The following EYS variants were observed in gnomAD, a reference collection of about 807,000 sequenced individuals.
The protein encoded by EYS is EGF-like photoreceptor maintenance factor.
A neutral mutation model predicts 282.1 loss-of-function variants in EYS; 250 were observed. The observed-to-expected ratio is 0.89, with a 90% CI of 0.80 to 0.98. The LOEUF is 0.98. Among genes scored for constraint, EYS ranks in the 50% least tolerant of loss-of-function variants. The pLI is 0.00. For missense variants in EYS, 4,016 were observed against 3,709.0 expected, an observed-to-expected ratio of 1.08 and a Z score of -2.15; for synonymous variants, 1,355 against 1,282.9, an observed-to-expected ratio of 1.06 and a Z score of -1.20.
At chr6:63,832,067 G>A (rs553251578) in intron 36 of EYS, among the ~76,000 whole-genome samples, 36 of 152,224 alleles carry the variant, frequency 2.4e-4, no homozygotes, top group African/African-American at 7.9e-4. Flanking sequence ...ATTTAAAGCA[G>A]TGTGTAGAGG....
At chr6:64,720,449 TA>T (rs1260928498) in intron 22 of EYS, among the ~76,000 whole-genome samples, 1 of 152,220 alleles carries the variant, frequency 6.6e-6, no homozygotes, top group Admixed American at 6.5e-5. Context: ...TATTAGGATT[TA>T]GACATTTTGG....
intron 5 of EYS, among the ~76,000 whole-genome samples, chr6:65,460,387 A>G (rs1764789007): frequency 6.6e-6 from 1 of 152,044 alleles, no homozygotes; most frequent in African/African-American, 2.4e-5. Context: ...CTAAGAAGAT[A>G]AAGTCCCCTT....
rs545772050 is a variant in EYS at position 64,443,975 on chromosome 6, A to G, written c.5645-4623T>C. On this transcript the variant is annotated intron_variant, in intron 26 of 42. Transcript: ENST00000503581. ...CTTTCTGGAGGGCCAAAGAAGGATA[A>G]CATGTCCCTATTATTACAGTGTTTT... 1.1e-4 allele frequency among the ~76,000 whole-genome samples: 17 copies of G among 152,302 alleles called. 1 individual carries two copies. The South Asian group carries it at 3.1e-3, about 28-fold the overall frequency.
intron 30 of EYS, among the ~76,000 whole-genome samples, chr6:64,289,114 C>T (rs1768608407): frequency 6.6e-6 from 1 of 151,990 alleles, no homozygotes; most frequent in Admixed American, 6.6e-5. Flanking sequence ...ATTATCTGTT[C>T]TGAGCTTATG....
chr6:64,552,109 T>G (rs1436516043), intron 26 of EYS, among the ~76,000 whole-genome samples: 1 of 152,136 alleles, frequency 6.6e-6, no homozygotes, highest in African/African-American at 2.4e-5. Context: ...GAAACCCTAG[T>G]TCAGGCCATG....
intron 12 of EYS, among the ~76,000 whole-genome samples, chr6:65,114,299 T>C (rs533804812): frequency 8.8e-4 from 133 of 151,470 alleles, no homozygotes; most frequent in African/African-American, 3.1e-3. Flanking sequence ...TTCTTTGCCT[T>C]ACATTTTTAT....
In EYS at chr6:65,495,397, G is replaced by T. The variant is rs745916400; in HGVS notation, c.14C>A (p.Ser5Ter). 1.2e-6 allele frequency: 2 copies of T among 1,610,854 alleles called. No homozygotes were observed. Among genetic ancestry groups the T allele is most frequent in the Admixed American group, 3.3e-5 (2 of 59,998 alleles). The change falls in exon 4 of 43, where the codon TCA becomes TAA. Residue 5 changes from serine (S) to a stop codon, truncating the protein, a stop_gained. Transcript: ENST00000503581. LOFTEE classifies it high-confidence loss of function. The stretch of plus-strand genomic sequence containing the variant: ...AACCATCAGGCTCAGAATGACGATT[G>T]ATTTGTCAGTCATTTTCGGGTAGCT... MTDK[S>*]IVILSLMVFH...
intron 15 of EYS, among the ~76,000 whole-genome samples, chr6:64,937,934 T>C (rs530395105): frequency 6.6e-6 from 1 of 151,792 alleles, no homozygotes; most frequent in African/African-American, 2.4e-5. Context: ...TGTAATGTTA[T>C]CTGGCCATAA....
intron 30 of EYS, among the ~76,000 whole-genome samples, chr6:64,236,364 T>C (rs1336852893): frequency 6.6e-6 from 1 of 152,228 alleles, no homozygotes; most frequent in Non-Finnish European, 1.5e-5. Flanking sequence ...ACTTTTTGGC[T>C]ATTGTAAATA....
chr6:65,007,261 T>C (rs983585359), intron 13 of EYS, among the ~76,000 whole-genome samples: 2 of 152,042 alleles, frequency 1.3e-5, no homozygotes, highest in African/African-American at 4.8e-5. Flanking sequence ...TGACTAGGGG[T>C]GCTGGCATCC....
intron 19 of EYS, among the ~76,000 whole-genome samples, chr6:64,877,230 C>G (rs1766775783): frequency 6.6e-6 from 1 of 152,074 alleles, no homozygotes; most frequent in Non-Finnish European, 1.5e-5. Context: ...AATAATGATG[C>G]CATCCACTGA....
chr6:65,557,455 A>G (rs952415096), intron 2 of EYS, among the ~76,000 whole-genome samples: 1 of 152,232 alleles, frequency 6.6e-6, no homozygotes, highest in Non-Finnish European at 1.5e-5. Flanking sequence ...ACATGCCACA[A>G]GCAGTCTCTG....
intron 2 of EYS, among the ~76,000 whole-genome samples, chr6:65,618,815 T>G (rs1766333912): frequency 6.6e-6 from 1 of 152,158 alleles, no homozygotes; most frequent in Admixed American, 6.5e-5. Context: ...AGGGAATCCT[T>G]TCCCCATTGC....
intron 12 of EYS, among the ~76,000 whole-genome samples, chr6:65,066,537 G>GA (rs1156761942): frequency 6.6e-6 from 1 of 152,172 alleles, no homozygotes; most frequent in East Asian, 1.9e-4. Context: ...AAGTACAACA[G>GA]ACCTGTTTCA....
At position 64,082,912 on chromosome 6, in the gene EYS, C is replaced by T. The variant is rs1227641567; in HGVS notation, c.6425-910G>A. ...TAATAAAAAAAAGAAAATGCAACTT[C>T]TTTTTTTTTTTTTTGAGATAGTGTC... On this transcript the variant is annotated intron_variant, in intron 31 of 42. Transcript: ENST00000503581. Among the ~76,000 whole-genome samples, 3 of 142,554 alleles carry T rather than the reference C, an allele frequency of 2.1e-5. No homozygotes were observed. In the East Asian group the frequency reaches 6.1e-4, roughly 29 times the overall value. 93.5% of individuals were successfully genotyped at this position (142,554 alleles called of 152,430 possible).
chr6:64,512,279 T>C (rs1387219308), intron 26 of EYS, among the ~76,000 whole-genome samples: 1 of 152,040 alleles, frequency 6.6e-6, no homozygotes, highest in African/African-American at 2.4e-5. Context: ...AGGAGAAGCG[T>C]CACTGCAAAG....
chr6:64,053,600 C>A (rs1293649685), intron 33 of EYS, among the ~76,000 whole-genome samples: 8 of 152,152 alleles, frequency 5.3e-5, no homozygotes, highest in Non-Finnish European at 8.8e-5. Context: ...AATAGTAACT[C>A]ACTGGGTGGA....
chr6:64,450,578 C>T (rs574171438), intron 26 of EYS, among the ~76,000 whole-genome samples: 1 of 152,210 alleles, frequency 6.6e-6, no homozygotes, highest in Admixed American at 6.5e-5. Flanking sequence ...CACACCACAC[C>T]TATTCCAAAA....
chr6:64,394,839 C>T (rs937368247), intron 28 of EYS, among the ~76,000 whole-genome samples: 1 of 152,132 alleles, frequency 6.6e-6, no homozygotes, highest in African/African-American at 2.4e-5. Flanking sequence ...TCAGAGTGAA[C>T]AGGCAACTGA....
Sources: gnomAD v4.1 joint callset for allele counts (sites outside exome capture counted in the v4.1 genomes callset) on GRCh38, gnomAD v4.1.1 for gene constraint, MANE v1.5 for transcripts, NCBI Gene and HGNC (gene_info 2026-07-23, HGNC 2026-07-21) for gene names.